The following LRRC4C variants were observed in gnomAD, a reference collection of about 807,000 sequenced individuals.
The protein encoded by LRRC4C is leucine-rich repeat-containing protein 4C.
In LRRC4C, 5 loss-of-function variants were observed where a neutral mutation model predicts 33.6. The ratio of observed to expected loss-of-function variants is 0.15; its 90% CI spans 0.08 to 0.31. The LOEUF is 0.31. LRRC4C is among the 10% of genes least tolerant of loss of function. The probability of loss-of-function intolerance (pLI) is 1.00; values close to 1 mark genes in which losing one functional copy is unlikely to be tolerated. For missense variants in LRRC4C, 560 were observed against 796.7 expected (o/e 0.70, Z 3.58); for synonymous variants, 329 against 302.0 (o/e 1.09, Z -0.93).
chr11:40,730,880 C>G (rs1256754636), intron 2 of LRRC4C, among the ~76,000 whole-genome samples: 1 of 152,110 alleles, frequency 6.6e-6, no homozygotes, highest in Admixed American at 6.5e-5. Context: ...TTTGGATCTG[C>G]GTCCCTGCCA....
intron 1 of LRRC4C, among the ~76,000 whole-genome samples, chr11:41,126,354 C>T (rs1942741847): frequency 6.6e-6 from 1 of 151,524 alleles, no homozygotes; most frequent in Non-Finnish European, 1.5e-5. Flanking sequence ...CTAGTAAAAC[C>T]TTTTTGTAGT....
intron 1 of LRRC4C, among the ~76,000 whole-genome samples, chr11:41,438,004 C>T (rs772941847): frequency 4.2e-4 from 64 of 151,364 alleles, no homozygotes; most frequent in Non-Finnish European, 8.1e-4. Context: ...CACTGTCACA[C>T]TCCAGCCTGG....
intron 1 of LRRC4C, among the ~76,000 whole-genome samples, chr11:41,037,621 C>T (rs979660956): frequency 1.4e-5 from 2 of 145,894 alleles, no homozygotes; most frequent in Admixed American, 1.4e-4. Flanking sequence ...GACATTTGCT[C>T]ATACTATCTC....
At chr11:40,961,968 C>T (rs1851007633) in intron 1 of LRRC4C, among the ~76,000 whole-genome samples, 1 of 151,332 alleles carries the variant, frequency 6.6e-6, no homozygotes, top group Non-Finnish European at 1.5e-5. Flanking sequence ...ACAGCCATAC[C>T]CATTATTTAT....
intron 1 of LRRC4C, among the ~76,000 whole-genome samples, chr11:41,276,186 T>G (rs1949477676): frequency 6.6e-6 from 1 of 152,170 alleles, no homozygotes; most frequent in African/African-American, 2.4e-5. Flanking sequence ...ATTACAAAAT[T>G]CACCATGTCC....
intron 3 of LRRC4C, among the ~76,000 whole-genome samples, chr11:40,531,106 G>A (rs575339203): frequency 6.6e-6 from 1 of 152,156 alleles, no homozygotes; most frequent in South Asian, 2.1e-4. Flanking sequence ...CCAACAGCCA[G>A]CTACCCTTCT....
chr11:40,293,113 C>G (rs1397672824), intron 4 of LRRC4C: 1 of 152,328 alleles, frequency 6.6e-6, no homozygotes, highest in Non-Finnish European at 1.5e-5. Context: ...CCACCTTCCC[C>G]TCTCCCCTCC....
chr11:40,461,980 G>T (rs1952419352), intron 3 of LRRC4C, among the ~76,000 whole-genome samples: 1 of 151,802 alleles, frequency 6.6e-6, no homozygotes, highest in Admixed American at 6.6e-5. Context: ...GAGGGGAACA[G>T]GAAGACTAGG....
intron 4 of LRRC4C, among the ~76,000 whole-genome samples, chr11:40,295,174 ATAT>A (rs1395738500): frequency 6.6e-6 from 1 of 152,194 alleles, no homozygotes; most frequent in Admixed American, 6.5e-5. Context: ...AATGCTATTA[ATAT>A]TATGTTTACA....
At chr11:41,394,776 G>A (rs1953740486) in intron 1 of LRRC4C, 3 of 151,806 alleles carry the variant, frequency 2.0e-5, no homozygotes, top group Admixed American at 2.0e-4. Context: ...CTCTTTGATT[G>A]GCACCAGTCA....
At chr11:41,264,049 G>C (rs1949068124) in intron 1 of LRRC4C, among the ~76,000 whole-genome samples, 1 of 151,172 alleles carries the variant, frequency 6.6e-6, no homozygotes, top group African/African-American at 2.4e-5. Flanking sequence ...AATTGCAAAT[G>C]GTTACTTTTA....
At chr11:41,301,904 G>A (rs1950299815) in intron 1 of LRRC4C, among the ~76,000 whole-genome samples, 1 of 152,120 alleles carries the variant, frequency 6.6e-6, no homozygotes. Flanking sequence ...TGCTTTCCCA[G>A]TTGTTTACTG....
chr11:40,282,130 C>T (rs188704461), intron 4 of LRRC4C, among the ~76,000 whole-genome samples: 1 of 152,216 alleles, frequency 6.6e-6, no homozygotes, highest in African/African-American at 2.4e-5. Flanking sequence ...TGGTGGATCA[C>T]CTGAAGACGG....
intron 1 of LRRC4C, among the ~76,000 whole-genome samples, chr11:41,227,243 AT>A (rs1194630200): frequency 3.3e-5 from 5 of 152,028 alleles, no homozygotes; most frequent in Non-Finnish European, 7.4e-5. Flanking sequence ...AATAGTTAAA[AT>A]AACCCTAAAA....
At chr11:40,353,786 A>G (rs1239724636) in intron 3 of LRRC4C, among the ~76,000 whole-genome samples, 2 of 152,124 alleles carry the variant, frequency 1.3e-5, no homozygotes, top group South Asian at 2.1e-4. Context: ...GTTATCTCCA[A>G]TTTTATTGTG....
At chr11:40,295,193 T>G (rs886228650) in intron 4 of LRRC4C, among the ~76,000 whole-genome samples, 2 of 152,208 alleles carry the variant, frequency 1.3e-5, no homozygotes, top group African/African-American at 2.4e-5. Context: ...TTACATTGGT[T>G]TCTTTCTCCA....
chr11:40,307,333 T>C (rs1945089993), intron 4 of LRRC4C, among the ~76,000 whole-genome samples: 1 of 152,162 alleles, frequency 6.6e-6, no homozygotes, highest in South Asian at 2.1e-4. Flanking sequence ...AATTTGCATG[T>C]TCCCTATTCC....
At chr11:41,056,118 C>A (rs1305620686) in intron 1 of LRRC4C, among the ~76,000 whole-genome samples, 1 of 151,888 alleles carries the variant, frequency 6.6e-6, no homozygotes, top group African/African-American at 2.4e-5. Context: ...ACTCCCACAC[C>A]CAAGAATGAA....
intron 3 of LRRC4C, among the ~76,000 whole-genome samples, chr11:40,588,106 TG>T (rs1281914938): frequency 6.6e-6 from 1 of 151,750 alleles, no homozygotes; most frequent in East Asian, 1.9e-4. Context: ...CATCTGGTCC[TG>T]GACTCTTTTT....
Sources: allele counts gnomAD v4.1 joint callset (sites outside exome capture counted in the v4.1 genomes callset), GRCh38; gene constraint gnomAD v4.1.1; transcripts MANE v1.5; gene names NCBI Gene and HGNC (gene_info 2026-07-23, HGNC 2026-07-21).